The following PEX14 variants were observed in gnomAD, a reference collection of about 807,000 sequenced individuals.
The protein encoded by PEX14 is peroxisomal biogenesis factor 14.
A neutral mutation model predicts 49.5 loss-of-function variants in PEX14; 15 were observed. That is an observed-to-expected ratio of 0.30 (90% CI 0.20 to 0.47). The LOEUF (loss-of-function observed/expected upper bound fraction) is 0.47, where lower values mean the gene tolerates loss of function less well. PEX14 is among the 20% of genes least tolerant of loss of function. PEX14 has a pLI of 1.00. For synonymous variants in PEX14, 210 were observed against 212.7 expected (o/e 0.99, Z 0.11); for missense variants, 398 against 494.8 (o/e 0.80, Z 1.86).
intron 7 of PEX14, among the ~76,000 whole-genome samples, chr1:10,625,311 C>T (rs964652008): frequency 1.3e-5 from 2 of 152,188 alleles, no homozygotes; most frequent in African/African-American, 2.4e-5. Context: ...CTCTCTCTGT[C>T]CCTTGTCCCA....
intron 3 of PEX14, among the ~76,000 whole-genome samples, chr1:10,547,416 A>T (rs777549851): frequency 6.6e-6 from 1 of 152,148 alleles, no homozygotes; most frequent in Non-Finnish European, 1.5e-5. Context: ...GCTGCCATGG[A>T]GGGAAGCATT....
At chr1:10,481,351 G>A (rs1641280632) in intron 1 of PEX14, among the ~76,000 whole-genome samples, 1 of 152,174 alleles carries the variant, frequency 6.6e-6, no homozygotes, top group South Asian at 2.1e-4. Context: ...TGTTGGCCGG[G>A]ATGGTCTCGA....
intron 2 of PEX14, among the ~76,000 whole-genome samples, chr1:10,505,460 C>A (rs1384733747): frequency 6.6e-6 from 1 of 152,070 alleles, no homozygotes; most frequent in Admixed American, 6.6e-5. Flanking sequence ...AAAACACAAT[C>A]TTTTTTCCCC....
chr1:10,520,149 T>TTTTTTTTTTTG (rs1638233565), intron 2 of PEX14, among the ~76,000 whole-genome samples: 3 of 21,952 alleles, frequency 1.4e-4, no homozygotes, highest in East Asian at 6.0e-3. Context: ...CTTCTTCTTC[T>TTTTTTTTTTTG]TTTTTTTTTT....
chr1:10,577,528 A>G (rs1457360049), intron 3 of PEX14, among the ~76,000 whole-genome samples: 1 of 19,506 alleles, frequency 5.1e-5, no homozygotes, highest in Non-Finnish European at 1.1e-4. Flanking sequence ...TGGACACTAT[A>G]CATATATATA....
intron 1 of PEX14, among the ~76,000 whole-genome samples, chr1:10,487,916 G>T (rs911395347): frequency 3.9e-5 from 6 of 151,986 alleles, no homozygotes; most frequent in Non-Finnish European, 7.4e-5. Context: ...GAGTAGCTGG[G>T]ATTACAGGCA....
In PEX14 at chr1:10,570,575, G is replaced by A. The variant is rs528248722; in HGVS notation, c.170-28663G>A. Among the ~76,000 whole-genome samples the A allele has an allele frequency of 4.3e-4, 65 of 152,084 alleles. 1 individual carries two copies. In the South Asian group the frequency reaches 8.5e-3, roughly 20 times the overall value. ...CTTCGATCTCTTGACCTTGTGATCC[G>A]CCCGCCTCAGCCTCTCAAAGTGCTG... On this transcript the variant is annotated intron_variant, in intron 3 of 8. Coordinates refer to ENST00000356607, the MANE Select transcript of PEX14 (RefSeq NM_004565.3).
chr1:10,618,267 C>A, intron 4 of PEX14, 65 bp from the exon 5 acceptor site: 1 of 1,299,208 alleles, frequency 7.7e-7, no homozygotes, highest in Non-Finnish European at 1.1e-6. Context: ...GGCACCTGTG[C>A]CAGCCCCCAC....
intron 2 of PEX14, 89 bp from the exon 3 acceptor site, chr1:10,536,124 T>C: frequency 2.4e-6 from 2 of 839,600 alleles, no homozygotes; most frequent in Non-Finnish European, 2.1e-6. Context: ...CTTGTCTCTG[T>C]GGAGCTGGGA....
intron 3 of PEX14, among the ~76,000 whole-genome samples, chr1:10,568,894 C>T (rs911321675): frequency 1.3e-5 from 2 of 152,006 alleles, no homozygotes; most frequent in African/African-American, 4.8e-5. Context: ...TGCACGTCAC[C>T]ACACCTTGCT....
At chr1:10,549,401 G>A (rs1300395998) in intron 3 of PEX14, among the ~76,000 whole-genome samples, 1 of 152,224 alleles carries the variant, frequency 6.6e-6, no homozygotes, top group Non-Finnish European at 1.5e-5. Context: ...AAGAACACAG[G>A]TCGAATTTGA....
At chr1:10,591,559 CTG>C (rs1435985389) in intron 3 of PEX14, among the ~76,000 whole-genome samples, 2 of 152,070 alleles carry the variant, frequency 1.3e-5, no homozygotes, top group African/African-American at 4.8e-5. Flanking sequence ...TCCTCAATCT[CTG>C]TTCCCCAGCA....
chr1:10,549,420 C>A (rs2124507727), intron 3 of PEX14, among the ~76,000 whole-genome samples: 1 of 152,272 alleles, frequency 6.6e-6, no homozygotes, highest in East Asian at 1.9e-4. Context: ...GAAGAAGAGG[C>A]AGCTAGAAAA....
rs1229895792 is a variant in PEX14, at chr1:10,514,192, G to GTGTGTGTA, written c.84+18874_84+18881dup. 1.3e-5 allele frequency among the ~76,000 whole-genome samples: 2 copies of GTGTGTGTA among 151,010 alleles called. No individual in the cohort carries two copies. Among genetic ancestry groups the GTGTGTGTA allele is most frequent in the African/African-American group, 2.5e-5 (1 of 40,656 alleles). On this transcript the variant is annotated intron_variant, in intron 2 of 8. Coordinates refer to ENST00000356607, the MANE Select transcript of PEX14 (RefSeq NM_004565.3). This position sits in a 1 kb window ranked among gnomAD's most constrained non-coding sequence, Gnocchi z 4.4. The stretch of plus-strand genomic sequence containing the variant: ...TGTGTGTGTGTGTGTGTGTGTGTGT[G>GTGTGTGTA]TGTGTGTATGGTGTTAGAAACGGCA...
intron 4 of PEX14, among the ~76,000 whole-genome samples, chr1:10,600,783 A>C (rs574958245): frequency 1.3e-5 from 2 of 152,184 alleles, no homozygotes; most frequent in Non-Finnish European, 2.9e-5. Flanking sequence ...TGCCTTTTCT[A>C]TAATTGTTAT....
intron 3 of PEX14, among the ~76,000 whole-genome samples, chr1:10,566,493 CTT>C (rs56355612): frequency 5.9e-4 from 86 of 145,664 alleles, no homozygotes; most frequent in Admixed American, 6.2e-4. Flanking sequence ...TTATGACTTC[CTT>C]TTTTTTTTTT....
At chr1:10,571,809 AAAAAC>A (rs1231917669) in intron 3 of PEX14, among the ~76,000 whole-genome samples, 3 of 152,190 alleles carry the variant, frequency 2.0e-5, no homozygotes, top group Non-Finnish European at 1.5e-5. Context: ...GCTCTGTCTC[AAAAAC>A]AAAACAAAAC....
chr1:10,591,650 T>TGC (rs987811159), intron 3 of PEX14, among the ~76,000 whole-genome samples: 2 of 151,012 alleles, frequency 1.3e-5, no homozygotes, highest in African/African-American at 4.9e-5. Flanking sequence ...TGTGTGTGTG[T>TGC]GTGTGTGTGT....
intron 3 of PEX14, among the ~76,000 whole-genome samples, chr1:10,598,971 G>A (rs564300034): frequency 3.6e-4 from 55 of 151,894 alleles, no homozygotes; most frequent in Non-Finnish European, 6.2e-4. Context: ...TTGCAGTACC[G>A]AGCGACTTCA....
Sources: allele counts gnomAD v4.1 joint callset (sites outside exome capture counted in the v4.1 genomes callset), GRCh38; gene constraint gnomAD v4.1.1; non-coding constraint Gnocchi (gnomAD v3.1); transcripts MANE v1.5; gene names NCBI Gene and HGNC (gene_info 2026-07-23, HGNC 2026-07-21).